ACSS1: variants seen among roughly 807,000 people sequenced by gnomAD.
The protein encoded by ACSS1 is acyl-CoA synthetase short chain family member 1, also known as acetyl-coenzyme A synthetase 2-like, mitochondrial.
Under a neutral mutation model 75.3 loss-of-function variants are expected in ACSS1, and 42 were observed. That is an observed-to-expected ratio of 0.56 (90% CI 0.44 to 0.72). ACSS1 has a LOEUF of 0.72. Among genes scored for constraint, ACSS1 ranks in the 30% least tolerant of loss-of-function variants. The probability of loss-of-function intolerance (pLI) is 0.00; values close to 1 mark genes in which losing one functional copy is unlikely to be tolerated. For missense variants in ACSS1, 782 were observed against 935.7 expected (o/e 0.84, Z 2.14); for synonymous variants, 380 against 376.8 (o/e 1.01, Z -0.10).
chr20:25,034,236 G>A (rs1259780626), intron 2 of ACSS1, among the ~76,000 whole-genome samples: 1 of 152,070 alleles, frequency 6.6e-6, no homozygotes, highest in Non-Finnish European at 1.5e-5. Flanking sequence ...CACCTCATGG[G>A]GCCACATCTC....
At chr20:25,018,716 T>C (rs113065586) in intron 7 of ACSS1, among the ~76,000 whole-genome samples, 10 of 152,310 alleles carry the variant, frequency 6.6e-5, no homozygotes, top group African/African-American at 2.2e-4. Context: ...ACATATTTGC[T>C]CTTATTAATA....
At chr20:25,032,061 C>T (rs2088833055) in intron 2 of ACSS1, among the ~76,000 whole-genome samples, 1 of 152,164 alleles carries the variant, frequency 6.6e-6, no homozygotes, top group African/African-American at 2.4e-5. Context: ...AGCAAGCACC[C>T]TGCTTTCTCC....
At chr20:25,042,956 T>C (rs2089027350) in intron 2 of ACSS1, among the ~76,000 whole-genome samples, 1 of 151,974 alleles carries the variant, frequency 6.6e-6, no homozygotes, top group Non-Finnish European at 1.5e-5. Context: ...ATTTTGCAAA[T>C]GAGAAAACCA....
chr20:25,023,286 C>T (rs190880806), intron 4 of ACSS1, among the ~76,000 whole-genome samples, 180 bp downstream of exon 4: 6 of 152,312 alleles, frequency 3.9e-5, no homozygotes, highest in Non-Finnish European at 7.3e-5. Flanking sequence ...AGTAAGTGTT[C>T]CAACATGCTT....
Position 25,006,778 on chromosome 20 carries a change from T to A in ACSS1, c.*984A>T. 1 of 1,491,334 alleles carries A rather than the reference T, an allele frequency of 6.7e-7. No homozygotes were observed. The highest frequency in any genetic ancestry group is 9.0e-7 in the Non-Finnish European group (1 of 1,108,362). The allele number at this position is 1,491,334 out of a possible 1,614,324, so 92.4% of individuals were successfully genotyped here. On this transcript the variant is annotated 3_prime_UTR_variant, in exon 14 of 14. Coordinates refer to ENST00000323482, the MANE Select transcript of ACSS1 (RefSeq NM_032501.4). Reference sequence around the variant, plus strand: ...ACTGGATCCAGACCTCCAAGTCTCATCATTGGACCTCAGTGGTTCTCACCG... The same window carrying A: ...ACTGGATCCAGACCTCCAAGTCTCAACATTGGACCTCAGTGGTTCTCACCG...
chr20:25,049,333 T>A (rs1568850183), intron 1 of ACSS1, among the ~76,000 whole-genome samples: 1 of 152,132 alleles, frequency 6.6e-6, no homozygotes, highest in Non-Finnish European at 1.5e-5. Flanking sequence ...TCATGCCAAG[T>A]GTAGCATTAA....
intron 1 of ACSS1, among the ~76,000 whole-genome samples, chr20:25,055,125 G>A (rs764214140): frequency 2.0e-5 from 3 of 152,228 alleles, no homozygotes; most frequent in Non-Finnish European, 2.9e-5. Context: ...ATAAAGTGAA[G>A]TAAGGTCTTT....
intron 10 of ACSS1, among the ~76,000 whole-genome samples, chr20:25,013,236 C>T (rs1302960730): frequency 1.3e-5 from 2 of 152,218 alleles, no homozygotes; most frequent in African/African-American, 4.8e-5. Flanking sequence ...TGGAAGAAAA[C>T]TCCCAGCCGT....
intron 2 of ACSS1, among the ~76,000 whole-genome samples, chr20:25,041,115 G>A (rs1328837507): frequency 1.3e-5 from 2 of 152,070 alleles, no homozygotes; most frequent in African/African-American, 4.8e-5. Context: ...AAAATTAGCC[G>A]GGCGTGGTGG....
Position 25,012,853 on chromosome 20 carries a change from T to C in ACSS1, c.1666A>G (p.Ser556Gly). The C allele has an allele frequency of 6.2e-7, 1 of 1,614,164 alleles. No individual in the cohort carries two copies. The highest frequency in any genetic ancestry group is 8.5e-7 in the Non-Finnish European group (1 of 1,180,040). Residue 556 changes from serine to glycine, a missense_variant, in exon 11 of 14, where the codon AGT becomes GGT. Physicochemically the swap from Ser to Gly is moderately conservative, Grantham distance 56. Around this residue, in one of 2 missense-constraint regions of ACSS1, gnomAD observed 405 missense variants for 552.6 expected, o/e 0.73. Coordinates refer to ENST00000323482, the MANE Select transcript of ACSS1 (RefSeq NM_032501.4). ...TCTGCGGTCCCCAGCCGGTGGCCACTGATGTTGATGACATCATCCATCCGC... is the reference window on the plus strand; with the variant it reads ...TCTGCGGTCCCCAGCCGGTGGCCACCGATGTTGATGACATCATCCATCCGC... ...TGRMDDVINI[S>G]GHRLGTAEIE...
chr20:25,026,983 A>T (rs2122664498), intron 3 of ACSS1, among the ~76,000 whole-genome samples: 1 of 152,382 alleles, frequency 6.6e-6, no homozygotes, highest in South Asian at 2.1e-4. Flanking sequence ...CAATCTCAAC[A>T]GAAGCACTGG....
At chr20:25,039,507 A>G (rs1487833318) in intron 2 of ACSS1, among the ~76,000 whole-genome samples, 2 of 152,190 alleles carry the variant, frequency 1.3e-5, no homozygotes, top group African/African-American at 4.8e-5. Context: ...CCCCACACGC[A>G]TGGGGGTTCA....
chr20:25,049,332 G>C (rs2089144908), intron 1 of ACSS1, among the ~76,000 whole-genome samples: 1 of 152,206 alleles, frequency 6.6e-6, no homozygotes, highest in African/African-American at 2.4e-5. Flanking sequence ...GTCATGCCAA[G>C]TGTAGCATTA....
rs763437773 is a variant in ACSS1 at position 25,048,117 on chromosome 20, A to G, written c.399T>C (p.Asp133=). Residue 133 remains aspartate, a synonymous_variant, in exon 2 of 14, where the codon GAT becomes GAC. Coordinates refer to ENST00000323482, the MANE Select transcript of ACSS1 (RefSeq NM_032501.4). ...TGATCCTCACTTCCGTTCCAGGCTC[A>G]TCGCGCTCCCAGATCAAAGCAACGC... ...PESVALIWER[D]EPGTEVRITY... 5.6e-6 allele frequency: 9 copies of G among 1,613,464 alleles called. No individual in the cohort carries two copies. The Admixed American group carries it at 1.2e-4, about 21-fold the overall frequency.
intron 2 of ACSS1, among the ~76,000 whole-genome samples, chr20:25,040,558 A>G (rs2088983706): frequency 6.6e-6 from 1 of 152,256 alleles, no homozygotes; most frequent in Admixed American, 6.5e-5. Context: ...CCTGCTCCCC[A>G]GTGCTGTGCT....
At chr20:25,041,829 G>T (rs150791248) in intron 2 of ACSS1, among the ~76,000 whole-genome samples, 2 of 152,250 alleles carry the variant, frequency 1.3e-5, no homozygotes, top group Non-Finnish European at 2.9e-5. Context: ...GAGCCTGTTA[G>T]TTACAGCAGA....
chr20:25,041,257 C>CA (rs11474894), intron 2 of ACSS1, among the ~76,000 whole-genome samples: 1,307 of 117,454 alleles, frequency 0.011, 5 homozygotes, highest in African/African-American at 0.024. Flanking sequence ...GACTCCGTCT[C>CA]AAAAAAAAAA....
chr20:25,037,679 T>A (rs2088935756), intron 2 of ACSS1, among the ~76,000 whole-genome samples: 2 of 152,194 alleles, frequency 1.3e-5, no homozygotes, highest in South Asian at 4.1e-4. Flanking sequence ...CAGGAACATA[T>A]TCGTAGTAAG....
intron 5 of ACSS1, among the ~76,000 whole-genome samples, chr20:25,022,138 C>T (rs1251194725): frequency 6.6e-6 from 1 of 152,186 alleles, no homozygotes; most frequent in Non-Finnish European, 1.5e-5. Flanking sequence ...GGGCAGATCA[C>T]TTGAGGTCAG....
Sources: allele counts gnomAD v4.1 joint callset (sites outside exome capture counted in the v4.1 genomes callset), GRCh38; gene constraint gnomAD v4.1.1; regional missense constraint gnomAD v4.1.1; transcripts MANE v1.5; gene names NCBI Gene and HGNC (gene_info 2026-07-23, HGNC 2026-07-21).